ELN: variants seen among roughly 807,000 people sequenced by gnomAD.
ELN encodes the protein elastin.
A neutral mutation model predicts 105.8 loss-of-function variants in ELN; 65 were observed. The ratio of observed to expected loss-of-function variants is 0.61; its 90% CI spans 0.50 to 0.75. The LOEUF is 0.75. ELN is among the 30% of genes least tolerant of loss of function. The pLI is 0.00. For synonymous variants in ELN, 368 were observed against 389.2 expected, an observed-to-expected ratio of 0.95 and a Z score of 0.64; for missense variants, 882 against 969.4, an observed-to-expected ratio of 0.91 and a Z score of 1.20.
intron 31 of ELN, among the ~76,000 whole-genome samples, chr7:74,066,238 C>A (rs576717579): frequency 6.6e-6 from 1 of 152,138 alleles, no homozygotes; most frequent in African/African-American, 2.4e-5. Flanking sequence ...TGCTAGGTGG[C>A]GGCATGTTGT....
At chr7:74,052,404 G>C (rs1300115407) in intron 17 of ELN, 1 of 239,842 alleles carries the variant, frequency 4.2e-6, no homozygotes, top group East Asian at 1.0e-4. Context: ...GCAACATACT[G>C]AGACCCCATC....
chr7:74,042,338 G>A (rs570565144), intron 5 of ELN, among the ~76,000 whole-genome samples: 1 of 152,172 alleles, frequency 6.6e-6, no homozygotes, highest in Admixed American at 6.5e-5. Context: ...TGAGGCGGGA[G>A]GATTGCTTGA....
chr7:74,032,329 G>T (rs1733909182), intron 1 of ELN, among the ~76,000 whole-genome samples: 1 of 152,220 alleles, frequency 6.6e-6, no homozygotes, highest in Non-Finnish European at 1.5e-5. Context: ...GAGAGTCTGA[G>T]CTCAGCCCTG....
At chr7:74,041,110 AG>A (rs782160073) in intron 4 of ELN, 105 bp from the exon 5 acceptor site, 4 of 1,449,274 alleles carry the variant, frequency 2.8e-6, no homozygotes, top group African/African-American at 1.4e-5. Context: ...GGACCAGCCT[AG>A]GGACCTGAGT....
rs782799486 is a variant in ELN at position 74,051,787 on chromosome 7, G to A, written c.837G>A (p.Gly279=). The A allele has an allele frequency of 6.2e-7, 1 of 1,614,232 alleles. No individual in the cohort carries two copies. Among genetic ancestry groups the A allele is most frequent in the South Asian group, 1.1e-5 (1 of 91,088 alleles). Residue 279 remains glycine (G), a synonymous_variant, in exon 16 of 33, where the codon GGG becomes GGA. Transcript: ENST00000252034. ...GAAGVLPGVG[G]AGVPGVPGAI... ...CCGGAGTCCTCCCTGGTGTTGGAGG[G>A]GCTGGTGTTCCTGGCGTGCCTGGGG...
rs1554680158 is a variant in ELN, at chr7:74,056,684, C to T, written c.1328C>T (p.Ala443Val). ...PGVGISPEAQAAAAAKAAKYG... is the reference protein window; with the variant it reads ...PGVGISPEAQVAAAAKAAKYG... ...CGTTTCCTTGTAGCCGAAGCTCAGG[C>T]AGCAGCTGCCGCCAAGGCTGCCAAG... Residue 443 changes from alanine (A) to valine (V), a missense_variant, in exon 21 of 33, where the codon GCA becomes GTA. Ala to Val is a moderately conservative substitution (Grantham distance 64, BLOSUM62 0). Coordinates refer to ENST00000252034, the MANE Select transcript of ELN (RefSeq NM_000501.4). The T allele has an allele frequency of 1.2e-6, 2 of 1,613,858 alleles. No individual in the cohort carries two copies. Among genetic ancestry groups the T allele is most frequent in the Non-Finnish European group, 1.7e-6 (2 of 1,180,030 alleles).
At chr7:74,042,804 G>T in intron 6 of ELN, 98 bp downstream of exon 6, 1 of 1,545,264 alleles carries the variant, frequency 6.5e-7, no homozygotes, top group East Asian at 2.3e-5. Flanking sequence ...TTGGGAGCCG[G>T]GTGGGTGGGA....
chr7:74,036,592 C>A lies in ELN; in HGVS notation c.163+8C>A. 1.9e-6 allele frequency: 3 copies of A among 1,614,102 alleles called. No individual in the cohort carries two copies. Among genetic ancestry groups the A allele is most frequent in the Non-Finnish European group, 1.7e-6 (2 of 1,180,042 alleles). On this transcript the variant is annotated splice_region_variant and intron_variant, in intron 3 of 32. Transcript: ENST00000252034. ...GAGCCCTTGGAGGAGGAGGTGAGCT[C>A]AGAAACCACACTTGTTCATCACTGA...
chr7:74,060,969 C>T, intron 25 of ELN, 132 bp from the exon 26 acceptor site: 3 of 1,098,416 alleles, frequency 2.7e-6, no homozygotes, highest in South Asian at 2.5e-5. Flanking sequence ...AGCTCTGTGC[C>T]TGTACAGCTT....
chr7:74,040,540 G>A (rs549421547), intron 4 of ELN, among the ~76,000 whole-genome samples: 1 of 152,328 alleles, frequency 6.6e-6, no homozygotes, highest in African/African-American at 2.4e-5. Context: ...TCACCCCTGA[G>A]GCTCAGGACT....
chr7:74,049,955 AT>A (rs1793589860), intron 15 of ELN, among the ~76,000 whole-genome samples: 1 of 146,352 alleles, frequency 6.8e-6, no homozygotes, highest in Non-Finnish European at 1.5e-5. Flanking sequence ...CACTCCCTCC[AT>A]CGATTCTTCC....
intron 12 of ELN, among the ~76,000 whole-genome samples, chr7:74,047,225 A>G (rs1792784380): frequency 6.6e-6 from 1 of 152,168 alleles, no homozygotes; most frequent in African/African-American, 2.4e-5. Context: ...GAGCATGGGA[A>G]AGTCATCTGC....
Position 74,064,297 on chromosome 7 carries a change from C to T in ELN, c.1993+602C>T, listed in dbSNP as rs569265300. On this transcript the variant is annotated intron_variant, in intron 29 of 32. Transcript: ENST00000252034. The stretch of plus-strand genomic sequence containing the variant: ...GGGCGTGGTGGCAGACGCCTGTAGT[C>T]CCAGCTACTCAGGAGGCTGAGGCAG... Among the ~76,000 whole-genome samples, 553 of 151,806 alleles carry T rather than the reference C, an allele frequency of 3.6e-3. 1 individual carries two copies. The highest frequency in any genetic ancestry group is 5.8e-3 in the Admixed American group (89 of 15,238).
chr7:74,041,170 G>C (rs782123531), intron 4 of ELN, 46 bp from the exon 5 acceptor site: 15 of 1,613,466 alleles, frequency 9.3e-6, no homozygotes, highest in African/African-American at 1.3e-5. Context: ...CCCACTCTGG[G>C]CCTAGGAACA....
At chr7:74,045,717 T>C (rs924104154) in intron 10 of ELN, 10 of 309,420 alleles carry the variant, frequency 3.2e-5, no homozygotes, top group South Asian at 2.9e-4. Flanking sequence ...CACTCCAGCC[T>C]GGGCAACAGA....
intron 9 of ELN, among the ~76,000 whole-genome samples, chr7:74,044,844 C>T (rs527579066): frequency 1.3e-5 from 2 of 152,312 alleles, no homozygotes; most frequent in African/African-American, 4.8e-5. Flanking sequence ...GGGTTGTGAG[C>T]GAGAGCCCCA....
chr7:74,056,311 C>T lies in ELN; in HGVS notation c.1191C>T (p.Tyr397=), dbSNP rs782798160. The change falls in exon 20 of 33, where the codon TAC becomes TAT. Residue 397 remains tyrosine, a synonymous_variant. Coordinates refer to ENST00000252034, the MANE Select transcript of ELN (RefSeq NM_000501.4). The stretch of plus-strand genomic sequence containing the variant: ...TCGGAGTTGGAGGCATTCCTACTTA[C>T]GGGGTTGGAGCTGGGGGCTTTCCCG... ...PGVGVGGIPT[Y]GVGAGGFPGF... The T allele has an allele frequency of 8.7e-6, 14 of 1,612,774 alleles. No individual in the cohort carries two copies. Among genetic ancestry groups the T allele is most frequent in the East Asian group, 4.5e-5 (2 of 44,864 alleles).
intron 9 of ELN, 42 bp from the exon 10 acceptor site, chr7:74,045,180 C>A: frequency 6.2e-7 from 1 of 1,611,954 alleles, no homozygotes; most frequent in South Asian, 1.1e-5. Context: ...GCAGGGCCTG[C>A]AAGGCCTGCC....
chr7:74,056,861 A>G (rs1488657444), intron 21 of ELN, 148 bp downstream of exon 21: 2 of 1,001,860 alleles, frequency 2.0e-6, no homozygotes, highest in Non-Finnish European at 1.5e-6. Flanking sequence ...CCAAAGCCAC[A>G]CTCCACTCTT....
Sources: gnomAD v4.1 joint callset for allele counts (sites outside exome capture counted in the v4.1 genomes callset) on GRCh38, gnomAD v4.1.1 for gene constraint, MANE v1.5 for transcripts, NCBI Gene and HGNC (gene_info 2026-07-23, HGNC 2026-07-21) for gene names.